MDGA2: variants seen among roughly 807,000 people sequenced by gnomAD.
The protein encoded by MDGA2 is MAM domain-containing glycosylphosphatidylinositol anchor protein 2.
MDGA2 carries 40 observed loss-of-function variants against 117.8 expected under a neutral mutation model. That is an observed-to-expected ratio of 0.34 (90% confidence interval 0.26 to 0.44). MDGA2 has a LOEUF of 0.44. Ranked by LOEUF, MDGA2 falls within the 20% of genes least tolerant of loss-of-function variation. The pLI is 1.00. For synonymous variants in MDGA2, 452 were observed against 439.0 expected (o/e 1.03, Z -0.37); for missense variants, 1,123 against 1,250.6 (o/e 0.90, Z 1.54).
Position 47,584,226 on chromosome 14 carries a change from G to A in MDGA2, c.280+90291C>T, listed in dbSNP as rs569701756. 3.0e-3 allele frequency among the ~76,000 whole-genome samples: 451 copies of A among 151,894 alleles called. 5 individuals are homozygous for A. Among genetic ancestry groups the A allele is most frequent in the African/African-American group, 0.011 (439 of 41,490 alleles). Reference sequence around the variant, plus strand: ...CTTCTATTATCTGCACATTGTGCTAGGTACTGAGGATACAAATGTGAATCA... The same window carrying A: ...CTTCTATTATCTGCACATTGTGCTAAGTACTGAGGATACAAATGTGAATCA... On this transcript the variant is annotated intron_variant, in intron 1 of 16. Transcript: ENST00000399232.
At chr14:46,990,215 A>G (rs756793651) in intron 8 of MDGA2, among the ~76,000 whole-genome samples, 24 of 152,120 alleles carry the variant, frequency 1.6e-4, no homozygotes, top group Admixed American at 5.3e-4. Flanking sequence ...CACTTATTAT[A>G]GTCCCTTACT....
chr14:47,066,846 G>A (rs538614821), intron 6 of MDGA2, among the ~76,000 whole-genome samples: 36 of 152,284 alleles, frequency 2.4e-4, no homozygotes, highest in Admixed American at 6.5e-4. Context: ...GTGTAGGCCA[G>A]GTGTAGTGGC....
intron 14 of MDGA2, chr14:46,870,927 G>A (rs1881968813): frequency 6.6e-6 from 1 of 151,896 alleles, no homozygotes; most frequent in South Asian, 2.1e-4. Context: ...ATGACTTTAA[G>A]TAATTCAGAA....
chr14:47,036,340 ATATT>A (rs1025443830), intron 7 of MDGA2, among the ~76,000 whole-genome samples: 3 of 152,072 alleles, frequency 2.0e-5, no homozygotes, highest in Non-Finnish European at 2.9e-5. Flanking sequence ...TTTACAGAGA[ATATT>A]TATGAGAAGT....
intron 1 of MDGA2, among the ~76,000 whole-genome samples, chr14:47,360,390 TA>T (rs775683538): frequency 1.2e-4 from 15 of 126,904 alleles, no homozygotes; most frequent in African/African-American, 3.1e-4. Context: ...AATAAATAAA[TA>T]AAATAAAATA....
chr14:47,378,917 A>C (rs1304062936), intron 1 of MDGA2, among the ~76,000 whole-genome samples: 1 of 152,204 alleles, frequency 6.6e-6, no homozygotes, highest in Non-Finnish European at 1.5e-5. Context: ...CATAATTGTC[A>C]GATTCACCAA....
At chr14:47,444,821 T>C (rs1465483765) in intron 1 of MDGA2, among the ~76,000 whole-genome samples, 1 of 152,128 alleles carries the variant, frequency 6.6e-6, no homozygotes, top group Non-Finnish European at 1.5e-5. Flanking sequence ...GAGAGGTCAC[T>C]AAGACTGGAT....
intron 1 of MDGA2, among the ~76,000 whole-genome samples, chr14:47,428,473 G>A (rs1231202925): frequency 2.0e-5 from 3 of 152,108 alleles, no homozygotes; most frequent in Admixed American, 1.3e-4. Context: ...TCAAAATCAG[G>A]TATATATTTG....
intron 8 of MDGA2, among the ~76,000 whole-genome samples, chr14:47,007,555 A>T (rs1354458378): frequency 6.6e-6 from 1 of 151,840 alleles, no homozygotes; most frequent in Non-Finnish European, 1.5e-5. Flanking sequence ...TAACTAAATG[A>T]AGACACCGTG....
chr14:47,299,571 C>T (rs964539101), intron 2 of MDGA2: 1 of 152,178 alleles, frequency 6.6e-6, no homozygotes, highest in East Asian at 1.9e-4. Context: ...CAAATTATAA[C>T]AACACTATAT....
At chr14:47,027,651 C>T (rs997168239) in intron 8 of MDGA2, among the ~76,000 whole-genome samples, 1 of 147,134 alleles carries the variant, frequency 6.8e-6, no homozygotes, top group African/African-American at 2.5e-5. Context: ...ATATGCAATG[C>T]ACTCAGTCCT....
intron 8 of MDGA2, among the ~76,000 whole-genome samples, chr14:47,000,105 T>C (rs1489263032): frequency 1.3e-5 from 2 of 151,450 alleles, no homozygotes; most frequent in East Asian, 3.9e-4. Flanking sequence ...AATAAAAATA[T>C]TATAGCTAAA....
intron 5 of MDGA2, among the ~76,000 whole-genome samples, chr14:47,125,005 C>T (rs1026757578): frequency 2.0e-5 from 3 of 152,048 alleles, no homozygotes; most frequent in Non-Finnish European, 2.9e-5. Context: ...ATACGTATAC[C>T]ATCTATTTTC....
At chr14:46,895,159 T>C (rs1280162663) in intron 10 of MDGA2, among the ~76,000 whole-genome samples, 1 of 152,164 alleles carries the variant, frequency 6.6e-6, no homozygotes, top group Admixed American at 6.5e-5. Flanking sequence ...TGAATTGTAG[T>C]TCTCATAATC....
chr14:47,649,299 A>G (rs984496431), intron 1 of MDGA2, among the ~76,000 whole-genome samples: 4 of 152,226 alleles, frequency 2.6e-5, no homozygotes, highest in African/African-American at 7.2e-5. Context: ...AATTTAAGCT[A>G]AAGCGTTTGT....
intron 1 of MDGA2, among the ~76,000 whole-genome samples, chr14:47,482,923 A>G (rs866632353): frequency 6.6e-6 from 1 of 151,178 alleles, no homozygotes; most frequent in African/African-American, 2.4e-5. Flanking sequence ...AAAAGAGAAA[A>G]GGAAGGAAAG....
chr14:47,412,880 A>T (rs1415122457), intron 1 of MDGA2, among the ~76,000 whole-genome samples: 1 of 152,208 alleles, frequency 6.6e-6, no homozygotes, highest in Non-Finnish European at 1.5e-5. Context: ...CCTTAATCAG[A>T]AGTCAAATTT....
chr14:47,259,354 G>T (rs1260676588), intron 2 of MDGA2, among the ~76,000 whole-genome samples: 4 of 151,992 alleles, frequency 2.6e-5, no homozygotes, highest in African/African-American at 9.7e-5. Context: ...ACCCTTGTTT[G>T]AAGCTTGTAC....
chr14:47,044,528 C>A lies in MDGA2; in HGVS notation c.1526-9224G>T, dbSNP rs1031869804. The stretch of plus-strand genomic sequence containing the variant: ...GTGTGTAAATGTTTCCTATGTGAAA[C>A]AAGCATTTATAAATATGTCTTCACA... On this transcript the variant is annotated intron_variant, in intron 7 of 16. Transcript: ENST00000399232. 1.9e-4 allele frequency among the ~76,000 whole-genome samples: 29 copies of A among 152,228 alleles called. No individual in the cohort carries two copies. In the Middle Eastern group the frequency reaches 0.01, roughly 54 times the overall value.
Sources: gnomAD v4.1 joint callset for allele counts (sites outside exome capture counted in the v4.1 genomes callset) on GRCh38, gnomAD v4.1.1 for gene constraint, MANE v1.5 for transcripts, NCBI Gene and HGNC (gene_info 2026-07-23, HGNC 2026-07-21) for gene names.